Variants in RGS6 observed in about 807,000 individuals in gnomAD.
The protein encoded by RGS6 is regulator of G protein signaling 6.
In RGS6, 30 loss-of-function variants were observed where a neutral mutation model predicts 78.5. The observed-to-expected ratio is 0.38, with a 90% confidence interval of 0.29 to 0.52. The LOEUF is 0.52. Ranked by LOEUF, RGS6 falls within the 20% of genes least tolerant of loss-of-function variation. The probability of loss-of-function intolerance (pLI) is 0.85; values close to 1 mark genes in which losing one functional copy is unlikely to be tolerated. For synonymous variants in RGS6, 206 were observed against 206.0 expected, an observed-to-expected ratio of 1.00 and a Z score of 0.00; for missense variants, 495 against 609.7, an observed-to-expected ratio of 0.81 and a Z score of 1.98.
At chr14:72,255,231 G>C (rs1381142114) in intron 2 of RGS6, among the ~76,000 whole-genome samples, 3 of 152,160 alleles carry the variant, frequency 2.0e-5, no homozygotes, top group African/African-American at 7.2e-5. Flanking sequence ...GCTGTCCCCG[G>C]TTGTCTCATA....
chr14:72,384,081 C>T (rs1041126830), intron 3 of RGS6, among the ~76,000 whole-genome samples: 3 of 152,114 alleles, frequency 2.0e-5, no homozygotes, highest in Non-Finnish European at 2.9e-5. Flanking sequence ...GACACACACA[C>T]GTTTTGATCG....
At chr14:72,073,994 A>G (rs2094493034) in intron 2 of RGS6, among the ~76,000 whole-genome samples, 1 of 152,080 alleles carries the variant, frequency 6.6e-6, no homozygotes, top group African/African-American at 2.4e-5. Context: ...TTTTTTCTCC[A>G]TGGTTTTATT....
intron 3 of RGS6, among the ~76,000 whole-genome samples, chr14:72,410,228 G>A (rs2093303749): frequency 6.6e-6 from 1 of 152,146 alleles, no homozygotes; most frequent in Non-Finnish European, 1.5e-5. Context: ...AGCACCTGTT[G>A]TTTCCTGACT....
the RGS6 span, among the ~76,000 whole-genome samples, chr14:72,599,277 A>G: frequency 6.6e-6 from 1 of 151,852 alleles, no homozygotes; most frequent in Middle Eastern, 3.2e-3. Flanking sequence ...CGTTCATCGC[A>G]TGGTGCCCCT....
At chr14:71,895,440 G>C in the RGS6 span, among the ~76,000 whole-genome samples, 1 of 152,074 alleles carries the variant, frequency 6.6e-6, no homozygotes, top group Non-Finnish European at 1.5e-5. Flanking sequence ...GCCCGCCTCA[G>C]ACTCCCAAAG....
chr14:72,051,127 A>G (rs904235788), intron 2 of RGS6, among the ~76,000 whole-genome samples: 1 of 152,210 alleles, frequency 6.6e-6, no homozygotes, highest in African/African-American at 2.4e-5. Context: ...AAATTTCCCT[A>G]GGAGAAGACA....
chr14:72,031,140 G>A (rs2090821541), intron 2 of RGS6, among the ~76,000 whole-genome samples: 1 of 151,930 alleles, frequency 6.6e-6, no homozygotes, highest in South Asian at 2.1e-4. Context: ...CATTCAAAGG[G>A]ATAATTTCTT....
At chr14:72,175,909 G>A (rs1228875826) in intron 2 of RGS6, among the ~76,000 whole-genome samples, 1 of 152,144 alleles carries the variant, frequency 6.6e-6, no homozygotes, top group African/African-American at 2.4e-5. Flanking sequence ...AGCCCATGTG[G>A]CTTGGGAGAA....
intron 2 of RGS6, among the ~76,000 whole-genome samples, chr14:72,102,191 C>T (rs1430329698): frequency 2.6e-5 from 4 of 152,200 alleles, no homozygotes; most frequent in East Asian, 1.9e-4. Context: ...CAGTGACGTA[C>T]TGCTTCTCCA....
At chr14:72,009,856 G>GAGTGA (rs2153228652) in intron 2 of RGS6, among the ~76,000 whole-genome samples, 1 of 152,310 alleles carries the variant, frequency 6.6e-6, no homozygotes, top group East Asian at 1.9e-4. Context: ...AATATTTGTT[G>GAGTGA]AGTGACTTGA....
At chr14:72,291,960 C>T (rs1371522031) in intron 2 of RGS6, among the ~76,000 whole-genome samples, 1 of 152,110 alleles carries the variant, frequency 6.6e-6, no homozygotes, top group Admixed American at 6.5e-5. Flanking sequence ...GGGACACAAA[C>T]GTCCAGATAG....
chr14:72,390,218 C>T (rs1322914697), intron 3 of RGS6, among the ~76,000 whole-genome samples: 1 of 151,890 alleles, frequency 6.6e-6, no homozygotes, highest in Non-Finnish European at 1.5e-5. Context: ...CTGTCTCAGC[C>T]TCCTGAGTAG....
At chr14:72,270,133 C>G (rs1018699059) in intron 2 of RGS6, among the ~76,000 whole-genome samples, 1 of 152,116 alleles carries the variant, frequency 6.6e-6, no homozygotes, top group Admixed American at 6.5e-5. Flanking sequence ...TAGAGGAGAC[C>G]TTGACAAATG....
intron 2 of RGS6, among the ~76,000 whole-genome samples, chr14:72,055,746 AAGCTC>A (rs911245472): frequency 3.9e-5 from 6 of 152,298 alleles, no homozygotes; most frequent in African/African-American, 1.4e-4. Flanking sequence ...AAGCAAGCAT[AAGCTC>A]AGGGTAGCCT....
intron 2 of RGS6, among the ~76,000 whole-genome samples, chr14:72,090,362 G>T (rs2095226325): frequency 6.6e-6 from 1 of 152,156 alleles, no homozygotes; most frequent in African/African-American, 2.4e-5. Context: ...GAGCGTTACT[G>T]CCTGAGCTCC....
intron 2 of RGS6, among the ~76,000 whole-genome samples, chr14:72,182,093 T>A (rs890333205): frequency 2.0e-5 from 3 of 152,192 alleles, no homozygotes; most frequent in Non-Finnish European, 4.4e-5. Flanking sequence ...TGAGGTTTTT[T>A]TTCTCATTCT....
At chr14:72,367,308 C>T (rs1000706753) in intron 3 of RGS6, among the ~76,000 whole-genome samples, 1 of 152,212 alleles carries the variant, frequency 6.6e-6, no homozygotes, top group Non-Finnish European at 1.5e-5. Flanking sequence ...AGCAGCTTCT[C>T]ATATTTATCT....
At chr14:72,086,828 G>A (rs543636276) in intron 2 of RGS6, among the ~76,000 whole-genome samples, 2 of 152,302 alleles carry the variant, frequency 1.3e-5, no homozygotes, top group South Asian at 2.1e-4. Flanking sequence ...AGAAGCATGG[G>A]ATAACAAATG....
chr14:72,436,907 C>G (rs969388872), intron 3 of RGS6, among the ~76,000 whole-genome samples: 4 of 152,104 alleles, frequency 2.6e-5, no homozygotes, highest in Non-Finnish European at 4.4e-5. Flanking sequence ...AGTCAGAGTG[C>G]AGAGTTGAAG....
Sources: allele counts gnomAD v4.1 joint callset (sites outside exome capture counted in the v4.1 genomes callset), GRCh38; gene constraint gnomAD v4.1.1; transcripts MANE v1.5; gene names NCBI Gene and HGNC (gene_info 2026-07-23, HGNC 2026-07-21).